DPYD: variants seen among roughly 807,000 people sequenced by gnomAD.
DPYD encodes the protein dihydropyrimidine dehydrogenase, also known as dihydropyrimidine dehydrogenase [NADP(+)].
In DPYD, 109 loss-of-function variants were observed where a neutral mutation model predicts 116.2. That is an observed-to-expected ratio of 0.94 (90% CI 0.80 to 1.10). DPYD has a LOEUF of 1.10. DPYD is among the 50% of genes least tolerant of loss of function. The probability of loss-of-function intolerance (pLI) is 0.00; values close to 1 mark genes in which losing one functional copy is unlikely to be tolerated. For missense variants in DPYD, 1,302 were observed against 1,254.5 expected (o/e 1.04, Z -0.57); for synonymous variants, 440 against 432.0 (o/e 1.02, Z -0.23).
At chr1:97,286,205 C>T (rs1279233150) in intron 18 of DPYD, among the ~76,000 whole-genome samples, 1 of 152,056 alleles carries the variant, frequency 6.6e-6, no homozygotes, top group African/African-American at 2.4e-5. Context: ...ATATGAAATT[C>T]TGGGTTGAAA....
chr1:97,593,167 C>T (rs769307562), intron 10 of DPYD, 51 bp downstream of exon 10: 1 of 1,591,436 alleles, frequency 6.3e-7, no homozygotes, highest in East Asian at 2.2e-5. Flanking sequence ...AGTTTCATCT[C>T]CTAAAATCTG....
intron 20 of DPYD, among the ~76,000 whole-genome samples, chr1:97,180,722 G>A (rs1056200946): frequency 1.3e-5 from 2 of 152,002 alleles, no homozygotes; most frequent in South Asian, 4.1e-4. Flanking sequence ...TAAATAAGGT[G>A]CATTCTGATT....
rs1394147166 is a variant in DPYD, at chr1:97,258,134, A to G, written c.2300-23140T>C. Among the ~76,000 whole-genome samples, 5 of 152,220 alleles carry G rather than the reference A, an allele frequency of 3.3e-5. No individual in the cohort carries two copies. The South Asian group carries it at 1.0e-3, about 32-fold the overall frequency. The stretch of plus-strand genomic sequence containing the variant: ...ATGGATTAGGAGGGAGAGGAAGGAG[A>G]CAAGGCTAGATGGAGAGTGGGGCAG... On this transcript the variant is annotated intron_variant, in intron 18 of 22. Coordinates refer to ENST00000370192, the MANE Select transcript of DPYD (RefSeq NM_000110.4).
At chr1:97,466,548 A>G (rs1294032650) in intron 13 of DPYD, among the ~76,000 whole-genome samples, 1 of 152,192 alleles carries the variant, frequency 6.6e-6, no homozygotes, top group African/African-American at 2.4e-5. Flanking sequence ...ATGATAGCTG[A>G]TATTTTTATA....
At chr1:97,265,194 C>T (rs1413369776) in intron 18 of DPYD, among the ~76,000 whole-genome samples, 2 of 152,022 alleles carry the variant, frequency 1.3e-5, no homozygotes, top group African/African-American at 4.8e-5. Context: ...ATGACCTTTT[C>T]CCTCTTCTTG....
intron 18 of DPYD, among the ~76,000 whole-genome samples, chr1:97,263,907 A>G (rs1664046543): frequency 6.6e-6 from 1 of 152,122 alleles, no homozygotes; most frequent in African/African-American, 2.4e-5. Context: ...AGATAATTGA[A>G]AAATTACCCC....
rs550078693 is a variant in DPYD, at chr1:97,307,621, T to C, written c.2059-1324A>G. ...AAAAGAAGTCTTTGGCTTGGCTTAT[T>C]CTCTTTTTAGAACAGTAATTTCTTC... On this transcript the variant is annotated intron_variant, in intron 16 of 22. Coordinates refer to ENST00000370192, the MANE Select transcript of DPYD (RefSeq NM_000110.4). Among the ~76,000 whole-genome samples the C allele has an allele frequency of 5.3e-5, 8 of 152,014 alleles. No individual in the cohort carries two copies. The East Asian group carries it at 1.6e-3, about 30-fold the overall frequency.
At chr1:97,283,452 A>AT (rs779295238) in intron 18 of DPYD, among the ~76,000 whole-genome samples, 17 of 151,708 alleles carry the variant, frequency 1.1e-4, no homozygotes, top group Non-Finnish European at 1.8e-4. Context: ...TTGCTTAGTG[A>AT]TTTTTTCCTG....
At chr1:97,632,580 T>C (rs1392456879) in intron 8 of DPYD, among the ~76,000 whole-genome samples, 4 of 152,254 alleles carry the variant, frequency 2.6e-5, no homozygotes, top group African/African-American at 4.8e-5. Flanking sequence ...TACATGTACA[T>C]TGCTATTCAT....
intron 20 of DPYD, among the ~76,000 whole-genome samples, chr1:97,146,402 T>C (rs944358167): frequency 1.3e-5 from 2 of 152,170 alleles, no homozygotes; most frequent in Non-Finnish European, 2.9e-5. Context: ...AACTGGCCTA[T>C]ATGATCATCC....
chr1:97,224,933 T>C (rs911447605), intron 19 of DPYD, among the ~76,000 whole-genome samples: 2 of 152,032 alleles, frequency 1.3e-5, no homozygotes, highest in Non-Finnish European at 2.9e-5. Context: ...GTTGCTTCCA[T>C]ATCTTGGCTA....
At chr1:97,099,044 G>T (rs1239163885) in intron 20 of DPYD, among the ~76,000 whole-genome samples, 1 of 152,048 alleles carries the variant, frequency 6.6e-6, no homozygotes, top group Admixed American at 6.6e-5. Flanking sequence ...GCATGATATA[G>T]ACACAGTTGT....
intron 3 of DPYD, among the ~76,000 whole-genome samples, chr1:97,811,172 T>C (rs1668333222): frequency 6.6e-6 from 1 of 152,186 alleles, no homozygotes; most frequent in Admixed American, 6.5e-5. Context: ...AATCTTCCTA[T>C]AATTTACACT....
chr1:97,786,614 T>C (rs1231250931), intron 3 of DPYD, among the ~76,000 whole-genome samples: 1 of 152,230 alleles, frequency 6.6e-6, no homozygotes. Context: ...TATAAGTCAT[T>C]TTATTAGCTT....
At chr1:97,813,952 ACAC>A (rs1557981508) in intron 3 of DPYD, among the ~76,000 whole-genome samples, 6 of 125,160 alleles carry the variant, frequency 4.8e-5, no homozygotes, top group African/African-American at 1.8e-4. Context: ...ACACACACAC[ACAC>A]CCCTAAAATT....
intron 12 of DPYD, among the ~76,000 whole-genome samples, chr1:97,520,019 C>G (rs190828951): frequency 2.6e-5 from 4 of 152,182 alleles, no homozygotes. Flanking sequence ...GCATTAACTT[C>G]CCCATATTTT....
intron 13 of DPYD, among the ~76,000 whole-genome samples, chr1:97,468,807 T>A (rs1270538193): frequency 6.6e-6 from 1 of 152,192 alleles, no homozygotes; most frequent in East Asian, 1.9e-4. Context: ...AAACACCGTT[T>A]TGATTTTCCT....
At chr1:97,902,667 T>G (rs1005921842) in intron 1 of DPYD, among the ~76,000 whole-genome samples, 1 of 151,768 alleles carries the variant, frequency 6.6e-6, no homozygotes, top group Non-Finnish European at 1.5e-5. Context: ...GAAAATAAAT[T>G]AAAAGCAGGG....
chr1:97,802,349 G>A (rs1667885488), intron 3 of DPYD, among the ~76,000 whole-genome samples: 1 of 151,856 alleles, frequency 6.6e-6, no homozygotes, highest in Admixed American at 6.6e-5. Flanking sequence ...AAGACTAAAA[G>A]TTCCTGTCTG....
Sources: gnomAD v4.1 joint callset for allele counts (sites outside exome capture counted in the v4.1 genomes callset) on GRCh38, gnomAD v4.1.1 for gene constraint, MANE v1.5 for transcripts, NCBI Gene and HGNC (gene_info 2026-07-23, HGNC 2026-07-21) for gene names.